Variants in UFSP2 observed in about 807,000 individuals in gnomAD.
The protein encoded by UFSP2 is ufm1-specific protease 2.
In UFSP2, 43 loss-of-function variants were observed where a neutral mutation model predicts 60.2. That is an observed-to-expected ratio of 0.71 (90% CI 0.56 to 0.92). The LOEUF is 0.92. Ranked by LOEUF, UFSP2 falls within the 40% of genes least tolerant of loss-of-function variation. The pLI is 0.00. For synonymous variants in UFSP2, 183 were observed against 195.1 expected (o/e 0.94, Z 0.52); for missense variants, 520 against 575.0 (o/e 0.90, Z 0.98).
rs2095519446 is a variant in UFSP2 at position 185,405,646 on chromosome 4, A to G, written c.1198+134T>C. 3 of 898,026 alleles carry G rather than the reference A, an allele frequency of 3.3e-6. No individual in the cohort carries two copies. The East Asian group carries it at 8.1e-5, about 24-fold the overall frequency. 55.6% of individuals were successfully genotyped at this position (898,026 alleles called of 1,614,324 possible). Reference sequence around the variant, plus strand: ...TAGAAATTTTTTTCAATATCCAGAGATCCATACATATGGTGTAAAAGTTAA... The same window carrying G: ...TAGAAATTTTTTTCAATATCCAGAGGTCCATACATATGGTGTAAAAGTTAA... On this transcript the variant is annotated intron_variant, in intron 10 of 11. Coordinates refer to ENST00000264689, the MANE Select transcript of UFSP2 (RefSeq NM_018359.5).
At chr4:185,418,117 T>C (rs1376585344) in intron 4 of UFSP2, among the ~76,000 whole-genome samples, 1 of 150,936 alleles carries the variant, frequency 6.6e-6, no homozygotes, top group African/African-American at 2.5e-5. Flanking sequence ...ATTTACTATT[T>C]GTCTTATGTG....
At chr4:185,423,101 C>T (rs113062330) in intron 1 of UFSP2, among the ~76,000 whole-genome samples, 3,153 of 152,270 alleles carry the variant, frequency 0.021, 42 homozygotes, top group Non-Finnish European at 0.033. Context: ...TCAAGTGATC[C>T]GCCTGTCTCG....
At chr4:185,403,799 C>T (rs1165987960) in intron 10 of UFSP2, among the ~76,000 whole-genome samples, 181 bp from the exon 11 acceptor site, 2 of 151,410 alleles carry the variant, frequency 1.3e-5, no homozygotes, top group African/African-American at 4.9e-5. Flanking sequence ...GCAGTGAAAC[C>T]CTGTCTCTAC....
chr4:185,411,360 T>C (rs1316131554), intron 7 of UFSP2, among the ~76,000 whole-genome samples: 1 of 152,066 alleles, frequency 6.6e-6, no homozygotes, highest in African/African-American at 2.4e-5. Flanking sequence ...CACTCTTATA[T>C]AAACTTCTCT....
At chr4:185,408,123 G>A in intron 8 of UFSP2, 63 bp from the exon 9 acceptor site, 1 of 1,577,184 alleles carries the variant, frequency 6.3e-7, no homozygotes, top group Non-Finnish European at 8.7e-7. Context: ...CGATGTTTAG[G>A]GCATTTTCCC....
chr4:185,405,695 A>G (rs113556079), intron 10 of UFSP2, 85 bp downstream of exon 10: 1 of 1,461,772 alleles, frequency 6.8e-7, no homozygotes, highest in African/African-American at 1.4e-5. Flanking sequence ...TAAATGACTG[A>G]TTTTATGCAA....
At chr4:185,414,407 T>C (rs1400989329) in intron 6 of UFSP2, among the ~76,000 whole-genome samples, 1 of 152,208 alleles carries the variant, frequency 6.6e-6, no homozygotes, top group East Asian at 1.9e-4. Flanking sequence ...TTCCCAACTA[T>C]ATAAAAACAT....
chr4:185,399,703 T>G lies in UFSP2; in HGVS notation c.*689A>C. On this transcript the variant is annotated 3_prime_UTR_variant, in exon 12 of 12. Transcript: ENST00000264689. ...AAGTGAACACCCTGACAGGAATGAT[T>G]GTGTTGCCGTGCTCAGACAGAAACG... is the stretch of plus-strand genomic sequence containing the variant. 6.2e-7 allele frequency: 1 copy of G among 1,614,128 alleles called. No individual in the cohort carries two copies. The highest frequency in any genetic ancestry group is 2.2e-5 in the East Asian group (1 of 44,878).
intron 7 of UFSP2, among the ~76,000 whole-genome samples, chr4:185,408,983 A>T (rs1490129139): frequency 1.3e-5 from 2 of 152,154 alleles, no homozygotes; most frequent in African/African-American, 2.4e-5. Context: ...TACATTACTT[A>T]TCATTTAAAA....
rs1187939443 is a variant in UFSP2, at chr4:185,413,608, A to G, written c.831+118T>C. The G allele has an allele frequency of 4.8e-6, 5 of 1,038,562 alleles. No homozygotes were observed. In the East Asian group the frequency reaches 1.3e-4, roughly 27 times the overall value. 64.3% of individuals were successfully genotyped at this position (1,038,562 alleles called of 1,614,324 possible). A position where few individuals can be genotyped will look rare whatever the true frequency, so the allele number is the denominator to read the frequency against. ...CAATGTCTGTTAACAGAGATGGGTGATAAATCATGTTTTAGGAATGAATAC... is the reference window on the plus strand; with the variant it reads ...CAATGTCTGTTAACAGAGATGGGTGGTAAATCATGTTTTAGGAATGAATAC... On this transcript the variant is annotated intron_variant, in intron 7 of 11. Transcript: ENST00000264689.
At chr4:185,415,586 G>C in intron 5 of UFSP2, 124 bp downstream of exon 5, 1 of 902,878 alleles carries the variant, frequency 1.1e-6, no homozygotes, top group Non-Finnish European at 1.6e-6. Context: ...ATTAATAGAT[G>C]GCTCTTAGGT....
intron 7 of UFSP2, among the ~76,000 whole-genome samples, chr4:185,409,086 G>T (rs570922524): frequency 2.6e-5 from 4 of 152,152 alleles, no homozygotes; most frequent in African/African-American, 9.6e-5. Context: ...AACACGCCTG[G>T]CACACGGTTA....
In UFSP2 at chr4:185,416,077, C is replaced by T. The variant is rs1407197657; in HGVS notation, c.334-210G>A. 1.3e-5 allele frequency: 5 copies of T among 385,414 alleles called. No homozygotes were observed. The Admixed American group carries it at 1.7e-4, about 13-fold the overall frequency. The allele number at this position is 385,414 out of a possible 1,614,324, so 23.9% of individuals were successfully genotyped here. On this transcript the variant is annotated intron_variant, in intron 4 of 11. Transcript: ENST00000264689. ...ATCAACTGAGATAACTCACTACCCT[C>T]AGACCAGCCAGTAGAAGGACTTTTA...
At chr4:185,403,834 G>A (rs1580049370) in intron 10 of UFSP2, among the ~76,000 whole-genome samples, 1 of 151,670 alleles carries the variant, frequency 6.6e-6, no homozygotes, top group Non-Finnish European at 1.5e-5. Context: ...AAAAATAGCT[G>A]GGCTTGGTGG....
Position 185,408,067 on chromosome 4 carries a change from G to T in UFSP2, c.997-7C>A, listed in dbSNP as rs773751629. ...CCCCGGCATCGACTAGAGCCTTGAT[G>T]TATTTAAAAATATAAAACATCCATA... On this transcript the variant is annotated splice_region_variant and splice_polypyrimidine_tract_variant and intron_variant, in intron 8 of 11. Coordinates refer to ENST00000264689, the MANE Select transcript of UFSP2 (RefSeq NM_018359.5). 5.6e-6 allele frequency: 9 copies of T among 1,612,482 alleles called. No individual in the cohort carries two copies. In the Admixed American group the frequency reaches 1.5e-4, roughly 27 times the overall value.
chr4:185,425,452 G>A lies in UFSP2; in HGVS notation c.3+414C>T, dbSNP rs540012157. 2.6e-5 allele frequency among the ~76,000 whole-genome samples: 4 copies of A among 152,270 alleles called. No homozygotes were observed. In the East Asian group the frequency reaches 7.7e-4, roughly 29 times the overall value. ...GTCCCTGAAGAGCACCACCATTTAG[G>A]ATAGGGATTGGAGAACCTTGCTGAG... On this transcript the variant is annotated intron_variant, in intron 1 of 11. Coordinates refer to ENST00000264689, the MANE Select transcript of UFSP2 (RefSeq NM_018359.5).
chr4:185,424,230 G>A (rs61081627), intron 1 of UFSP2, among the ~76,000 whole-genome samples: 10,311 of 151,970 alleles, frequency 0.068, 538 homozygotes, highest in African/African-American at 0.14. Flanking sequence ...TGCTTGGGCC[G>A]GGGAGGTCAA....
At chr4:185,402,867 C>G (rs2095514962) in intron 11 of UFSP2, among the ~76,000 whole-genome samples, 1 of 152,122 alleles carries the variant, frequency 6.6e-6, no homozygotes, top group African/African-American at 2.4e-5. Flanking sequence ...TATTTGGCAG[C>G]GAATATAAAT....
At chr4:185,401,182 T>C (rs1374084252) in intron 11 of UFSP2, among the ~76,000 whole-genome samples, 1 of 152,178 alleles carries the variant, frequency 6.6e-6, no homozygotes, top group African/African-American at 2.4e-5. Flanking sequence ...GAAAATACCA[T>C]GAAGTGAGTG....
Sources: gnomAD v4.1 joint callset for allele counts (sites outside exome capture counted in the v4.1 genomes callset) on GRCh38, gnomAD v4.1.1 for gene constraint, MANE v1.5 for transcripts, NCBI Gene and HGNC (gene_info 2026-07-23, HGNC 2026-07-21) for gene names.